The following RBFOX1 variants were observed in gnomAD, a reference collection of about 807,000 sequenced individuals.
RBFOX1 encodes RNA binding fox-1 homolog 1.
Under a neutral mutation model 57.7 loss-of-function variants are expected in RBFOX1, and 8 were observed. The ratio of observed to expected loss-of-function variants is 0.14; its 90% CI spans 0.08 to 0.25. RBFOX1 has a LOEUF of 0.25. Ranked by LOEUF, RBFOX1 falls within the 10% of genes least tolerant of loss-of-function variation. The pLI is 1.00. For synonymous variants in RBFOX1, 326 were observed against 222.4 expected (o/e 1.47, Z -4.15); for missense variants, 611 against 548.5 (o/e 1.11, Z -1.14).
At chr16:5,689,618 C>T (rs190399925) in intron 3 of RBFOX1, among the ~76,000 whole-genome samples, 1 of 152,126 alleles carries the variant, frequency 6.6e-6, no homozygotes, top group East Asian at 1.9e-4. Context: ...GGAGACCTAT[C>T]AGGACAAAGC....
At chr16:6,094,427 C>T (rs1350624040) in intron 1 of RBFOX1, among the ~76,000 whole-genome samples, 2 of 152,170 alleles carry the variant, frequency 1.3e-5, no homozygotes, top group African/African-American at 4.8e-5. Context: ...AACGCTTGGA[C>T]TCACAGAGAA....
chr16:5,847,264 G>A (rs571891426), intron 3 of RBFOX1, among the ~76,000 whole-genome samples: 1 of 151,630 alleles, frequency 6.6e-6, no homozygotes, highest in Non-Finnish European at 1.5e-5. Context: ...AGGACACATA[G>A]TTGGGAACAT....
intron 3 of RBFOX1, among the ~76,000 whole-genome samples, chr16:6,718,084 G>A (rs2065193385): frequency 6.6e-6 from 1 of 152,194 alleles, no homozygotes; most frequent in African/African-American, 2.4e-5. Context: ...TTTAGAGCCA[G>A]TGGCTACTTC....
At chr16:6,548,897 G>A (rs1414667029) in intron 2 of RBFOX1, among the ~76,000 whole-genome samples, 1 of 151,624 alleles carries the variant, frequency 6.6e-6, no homozygotes, top group Admixed American at 6.6e-5. Context: ...CCAACATGGC[G>A]AAACCCCATC....
intron 3 of RBFOX1, among the ~76,000 whole-genome samples, chr16:6,959,793 C>T (rs115064355): frequency 0.024 from 3,665 of 152,092 alleles, 154 homozygotes; most frequent in African/African-American, 0.084. Flanking sequence ...AAAAATTAGC[C>T]GGGTGTGTTG....
At position 6,439,261 on chromosome 16, in the gene RBFOX1, G is replaced by A. The variant is rs547336787; in HGVS notation, c.-64+122204G>A. On this transcript the variant is annotated intron_variant, in intron 2 of 15. Coordinates refer to ENST00000550418, the MANE Select transcript of RBFOX1 (RefSeq NM_018723.4). ...CATCCTTCGGCCTCTGATGAAAGAT[G>A]CAAATGGAAACTGCAGTCAGGAAGG... is the stretch of plus-strand genomic sequence containing the variant. Among the ~76,000 whole-genome samples the A allele has an allele frequency of 6.6e-5, 10 of 152,284 alleles. No homozygotes were observed. In the South Asian group the frequency reaches 1.5e-3, roughly 22 times the overall value.
At chr16:6,488,412 C>T (rs1349327284) in intron 2 of RBFOX1, among the ~76,000 whole-genome samples, 1 of 152,126 alleles carries the variant, frequency 6.6e-6, no homozygotes, top group Non-Finnish European at 1.5e-5. Flanking sequence ...CAATACAATG[C>T]CGATTTCTTC....
At chr16:6,296,028 C>A (rs2078059480) in intron 1 of RBFOX1, among the ~76,000 whole-genome samples, 1 of 152,216 alleles carries the variant, frequency 6.6e-6, no homozygotes, top group African/African-American at 2.4e-5. Context: ...ACAACGTCTC[C>A]CTCTTCTGTA....
At chr16:6,649,604 G>C (rs2098561357) in intron 2 of RBFOX1, among the ~76,000 whole-genome samples, 1 of 152,134 alleles carries the variant, frequency 6.6e-6, no homozygotes, top group Non-Finnish European at 1.5e-5. Flanking sequence ...TTATGAATGA[G>C]AACATGCAAT....
chr16:7,270,279 T>C (rs997733000), intron 4 of RBFOX1, among the ~76,000 whole-genome samples: 9 of 152,188 alleles, frequency 5.9e-5, no homozygotes, highest in African/African-American at 2.2e-4. Context: ...TAATTCACAC[T>C]AACATGTGAA....
At chr16:6,720,044 A>G (rs1245083453) in intron 3 of RBFOX1, among the ~76,000 whole-genome samples, 2 of 152,138 alleles carry the variant, frequency 1.3e-5, no homozygotes, top group East Asian at 3.9e-4. Context: ...CAGTGAGCCA[A>G]GATCATGCCA....
chr16:5,266,382 C>A (rs932914503), intron 1 of RBFOX1, among the ~76,000 whole-genome samples: 3 of 152,044 alleles, frequency 2.0e-5, no homozygotes, highest in African/African-American at 7.2e-5. Context: ...GCATAATAGC[C>A]CCCATCTGAG....
chr16:7,519,613 C>A, intron 5 of RBFOX1: 1 of 787,022 alleles, frequency 1.3e-6, no homozygotes, highest in Non-Finnish European at 1.5e-6. Flanking sequence ...TCATGCATAC[C>A]ACAAAACCTG....
At chr16:6,883,470 C>G (rs534305211) in intron 3 of RBFOX1, among the ~76,000 whole-genome samples, 1 of 152,190 alleles carries the variant, frequency 6.6e-6, no homozygotes, top group African/African-American at 2.4e-5. Flanking sequence ...GCACTAGCCG[C>G]TTTCTCTTAG....
chr16:7,549,315 G>A (rs2109438), intron 5 of RBFOX1, among the ~76,000 whole-genome samples: 1 of 152,152 alleles, frequency 6.6e-6, no homozygotes, highest in Non-Finnish European at 1.5e-5. Context: ...TTGAAATGAG[G>A]TTATAAAGGT....
chr16:7,048,089 G>A (rs369210363), intron 3 of RBFOX1, among the ~76,000 whole-genome samples: 1 of 152,024 alleles, frequency 6.6e-6, no homozygotes, highest in Non-Finnish European at 1.5e-5. Context: ...ATGTTGGCCA[G>A]GCTGGTCTCA....
chr16:5,411,378 A>T (rs755010118), intron 1 of RBFOX1, among the ~76,000 whole-genome samples: 1 of 152,092 alleles, frequency 6.6e-6, no homozygotes, highest in Non-Finnish European at 1.5e-5. Flanking sequence ...TTGGCTGGAG[A>T]TGGAGGAAGG....
chr16:5,976,639 T>C (rs2060068494), intron 4 of RBFOX1, among the ~76,000 whole-genome samples: 1 of 152,032 alleles, frequency 6.6e-6, no homozygotes, highest in Non-Finnish European at 1.5e-5. Flanking sequence ...GAGGCCGAGG[T>C]AGACAGATTA....
intron 2 of RBFOX1, among the ~76,000 whole-genome samples, chr16:6,653,267 A>G (rs866289106): frequency 4.5e-4 from 69 of 151,972 alleles, no homozygotes; most frequent in African/African-American, 1.6e-3. Context: ...TCTTCATAGT[A>G]CATATTCTTT....
Sources: allele counts gnomAD v4.1 joint callset (sites outside exome capture counted in the v4.1 genomes callset), GRCh38; gene constraint gnomAD v4.1.1; transcripts MANE v1.5; gene names NCBI Gene and HGNC (gene_info 2026-07-23, HGNC 2026-07-21).